The following PID1 variants were observed in gnomAD, a reference collection of about 807,000 sequenced individuals.
PID1 encodes the protein PTB-containing, cubilin and LRP1-interacting protein.
A neutral mutation model predicts 19.1 loss-of-function variants in PID1; 10 were observed. The observed-to-expected ratio is 0.52, with a 90% CI of 0.32 to 0.89. The LOEUF (loss-of-function observed/expected upper bound fraction) is 0.89, where lower values mean the gene tolerates loss of function less well. Ranked by LOEUF, PID1 falls within the 40% of genes least tolerant of loss-of-function variation. The pLI is 0.03. For missense variants in PID1, 248 were observed against 285.3 expected, an observed-to-expected ratio of 0.87 and a Z score of 0.94; for synonymous variants, 130 against 116.0, an observed-to-expected ratio of 1.12 and a Z score of -0.78.
intron 2 of PID1, among the ~76,000 whole-genome samples, chr2:229,148,261 G>T (rs72977143): frequency 0.014 from 2,110 of 152,292 alleles, 26 homozygotes; most frequent in Non-Finnish European, 0.024. Context: ...TTGGACCTGC[G>T]GTGAAGAAGT....
intron 2 of PID1, among the ~76,000 whole-genome samples, chr2:229,129,413 C>CTAA (rs1689671660): frequency 9.0e-6 from 1 of 111,082 alleles, no homozygotes; most frequent in Admixed American, 9.5e-5. Context: ...GACTCCATCT[C>CTAA]AAAAAAAAAA....
rs5839317 is a variant in PID1, at chr2:229,235,495, G to GT, written c.30+35518dup. 6.6e-4 allele frequency among the ~76,000 whole-genome samples: 100 copies of GT among 151,108 alleles called. 1 individual carries two copies. In the East Asian group the frequency reaches 0.014, roughly 21 times the overall value. On this transcript the variant is annotated intron_variant, in intron 1 of 2. Coordinates refer to ENST00000392055, the MANE Select transcript of PID1 (RefSeq NM_001100818.2). ...TGGGTGATTTGCAATATGTTTATGTGTTTTTTTTTTCTATTAGAAATCTGT... is the reference window on the plus strand; with the variant it reads ...TGGGTGATTTGCAATATGTTTATGTGTTTTTTTTTTTCTATTAGAAATCTGT...
intron 1 of PID1, among the ~76,000 whole-genome samples, chr2:229,174,723 GAAA>G (rs11295094): frequency 3.1e-5 from 4 of 129,972 alleles, no homozygotes; most frequent in Admixed American, 7.8e-5. Context: ...AATGCATGAA[GAAA>G]AAAAAAAAAA....
chr2:229,037,663 C>T (rs1389584148), intron 2 of PID1, among the ~76,000 whole-genome samples: 1 of 152,168 alleles, frequency 6.6e-6, no homozygotes, highest in African/African-American at 2.4e-5. Context: ...AAATACACAT[C>T]CCCTCATGTG....
intron 1 of PID1, among the ~76,000 whole-genome samples, chr2:229,218,241 T>G (rs1477524875): frequency 1.4e-5 from 2 of 141,562 alleles, no homozygotes; most frequent in East Asian, 2.1e-4. Context: ...TTGTATAGAT[T>G]CATGAATTTT....
chr2:229,236,977 TACACACACATACACACACACAC>T (rs1425783864), intron 1 of PID1, among the ~76,000 whole-genome samples: 2 of 56,660 alleles, frequency 3.5e-5, no homozygotes, highest in Admixed American at 2.2e-4. Context: ...CCTTCTCCTT[TACACACACATACACACACACAC>T]ACACACACAC....
chr2:229,031,092 T>G lies in PID1; in HGVS notation c.178-4984A>C, dbSNP rs566460743. ...TTAGCCGGGTGTGGTGGCAGACACC[T>G]GTAGTCCCAGCTACTGGGGAGGCTG... On this transcript the variant is annotated intron_variant, in intron 2 of 2. Coordinates refer to ENST00000392055, the MANE Select transcript of PID1 (RefSeq NM_001100818.2). Among the ~76,000 whole-genome samples the G allele has an allele frequency of 4.6e-5, 7 of 151,008 alleles. No individual in the cohort carries two copies. The South Asian group carries it at 1.5e-3, about 32-fold the overall frequency.
chr2:229,186,973 A>G (rs549051868), intron 1 of PID1, among the ~76,000 whole-genome samples: 1 of 152,244 alleles, frequency 6.6e-6, no homozygotes, highest in South Asian at 2.1e-4. Context: ...CATCTCTCTC[A>G]AGTTCAAAGT....
intron 1 of PID1, among the ~76,000 whole-genome samples, chr2:229,186,786 G>T (rs1350516418): frequency 6.6e-6 from 1 of 152,204 alleles, no homozygotes; most frequent in Non-Finnish European, 1.5e-5. Context: ...AATTTCTGCA[G>T]CCAGCTTGGA....
chr2:229,113,943 A>G (rs1695354667), intron 2 of PID1, among the ~76,000 whole-genome samples: 1 of 152,164 alleles, frequency 6.6e-6, no homozygotes, highest in Admixed American at 6.5e-5. Flanking sequence ...ACAGTAAAGC[A>G]GATGACCTTC....
chr2:229,062,337 A>G (rs1694229131), intron 2 of PID1, among the ~76,000 whole-genome samples: 1 of 151,998 alleles, frequency 6.6e-6, no homozygotes, highest in Non-Finnish European at 1.5e-5. Flanking sequence ...GCATCTAAGA[A>G]GATGATCTTA....
At chr2:229,145,155 GTATATATATA>G (rs5839309) in intron 2 of PID1, among the ~76,000 whole-genome samples, 2,596 of 119,934 alleles carry the variant, frequency 0.022, 95 homozygotes, top group African/African-American at 0.078. Flanking sequence ...ATATGTATGT[GTATATATATA>G]TATATATATA....
At chr2:229,081,494 A>G (rs1694668248) in intron 2 of PID1, among the ~76,000 whole-genome samples, 1 of 152,234 alleles carries the variant, frequency 6.6e-6, no homozygotes, top group Non-Finnish European at 1.5e-5. Flanking sequence ...GGATGCTTCA[A>G]GCTGATTTAG....
chr2:229,129,706 T>TC (rs1171610221), intron 2 of PID1, among the ~76,000 whole-genome samples: 1 of 152,042 alleles, frequency 6.6e-6, no homozygotes, highest in Non-Finnish European at 1.5e-5. Flanking sequence ...TTGTCCCTTT[T>TC]CCCCCCATAT....
chr2:229,163,680 T>TGTGTGTGTGCGCGC (rs1365270238), intron 1 of PID1, among the ~76,000 whole-genome samples: 2,002 of 103,554 alleles, frequency 0.019, 21 homozygotes, highest in East Asian at 0.039. Context: ...TGTGTGCGTG[T>TGTGTGTGTGCGCGC]GCGTGTGTGT....
At chr2:229,105,177 C>G (rs1301369927) in intron 2 of PID1, among the ~76,000 whole-genome samples, 1 of 152,176 alleles carries the variant, frequency 6.6e-6, no homozygotes, top group Non-Finnish European at 1.5e-5. Flanking sequence ...TAATTTATCT[C>G]CATTTCAGAA....
At chr2:229,129,368 T>TG (rs1406956745) in intron 2 of PID1, among the ~76,000 whole-genome samples, 1 of 148,498 alleles carries the variant, frequency 6.7e-6, no homozygotes, top group African/African-American at 2.5e-5. Flanking sequence ...GAGCCGAGAT[T>TG]GCGCCACTGC....
intron 1 of PID1, among the ~76,000 whole-genome samples, chr2:229,254,173 C>A (rs1690229189): frequency 6.6e-6 from 1 of 152,048 alleles, no homozygotes; most frequent in South Asian, 2.1e-4. Flanking sequence ...AACAAAAAAA[C>A]CTCCAAAATT....
chr2:229,156,953 C>T (rs1408646134), intron 1 of PID1, among the ~76,000 whole-genome samples: 2 of 152,162 alleles, frequency 1.3e-5, no homozygotes, highest in African/African-American at 2.4e-5. Flanking sequence ...CTGCTCCTGT[C>T]GTAGGTATTT....
Sources: allele counts gnomAD v4.1 joint callset (sites outside exome capture counted in the v4.1 genomes callset), GRCh38; gene constraint gnomAD v4.1.1; transcripts MANE v1.5; gene names NCBI Gene and HGNC (gene_info 2026-07-23, HGNC 2026-07-21).